ZNF514: variants seen among roughly 807,000 people sequenced by gnomAD.
ZNF514 encodes the protein zinc finger protein 514.
Under a neutral mutation model 9.7 loss-of-function variants are expected in ZNF514, and 12 were observed. The observed-to-expected ratio is 1.24, with a 90% CI of 0.79 to 2.01. The LOEUF (loss-of-function observed/expected upper bound fraction) is 2.01. ZNF514 is among the 30% of genes most tolerant of loss of function. The probability of loss-of-function intolerance (pLI) is 0.00; values close to 1 mark genes in which losing one functional copy is unlikely to be tolerated. For missense variants in ZNF514, 467 were observed against 465.5 expected (o/e 1.00, Z -0.03); for synonymous variants, 158 against 163.7 (o/e 0.97, Z 0.27).
At chr2:95,136,302 G>A in the ZNF514 span, among the ~76,000 whole-genome samples, 1 of 151,772 alleles carries the variant, frequency 6.6e-6, no homozygotes, top group East Asian at 1.9e-4. Context: ...TGTTGCCCAA[G>A]CTAAAGTGCA....
the ZNF514 span, among the ~76,000 whole-genome samples, chr2:95,135,894 AC>A: frequency 6.6e-6 from 1 of 151,338 alleles, no homozygotes; most frequent in East Asian, 2.0e-4. Flanking sequence ...ACATGGTGAA[AC>A]CCCCTCTCTA....
the ZNF514 span, among the ~76,000 whole-genome samples, chr2:95,126,836 T>C: frequency 6.6e-6 from 1 of 152,152 alleles, no homozygotes; most frequent in South Asian, 2.1e-4. Flanking sequence ...ACTGGCACTA[T>C]CATAACTCAA....
chr2:95,144,086 C>T (rs961123974), downstream of ZNF514, among the ~76,000 whole-genome samples: 4 of 152,144 alleles, frequency 2.6e-5, no homozygotes, highest in Admixed American at 6.5e-5. Flanking sequence ...GTCAGGGCAG[C>T]GGTCCCAACT....
intron 4 of ZNF514, among the ~76,000 whole-genome samples, 172 bp downstream of exon 4, chr2:95,152,502 A>G (rs1395261222): frequency 6.6e-6 from 1 of 152,216 alleles, no homozygotes; most frequent in African/African-American, 2.4e-5. Flanking sequence ...AAGCAAAGGA[A>G]CATCTCCTCT....
downstream of ZNF514, among the ~76,000 whole-genome samples, chr2:95,140,618 A>AATAT (rs373216299): frequency 1.3e-5 from 2 of 149,874 alleles, no homozygotes; most frequent in African/African-American, 4.9e-5. Flanking sequence ...ATCTTGAAAA[A>AATAT]ATATATATAT....
the ZNF514 span, among the ~76,000 whole-genome samples, chr2:95,123,471 G>A: frequency 7.9e-5 from 12 of 152,284 alleles, no homozygotes; most frequent in Admixed American, 5.2e-4. Flanking sequence ...CTTCACCGCC[G>A]TCCTTCAGAA....
At position 95,149,895 on chromosome 2, in the gene ZNF514, G is replaced by T; in HGVS notation, c.590C>A (p.Thr197Asn). 1 of 1,614,220 alleles carries T rather than the reference G, an allele frequency of 6.2e-7. No individual in the cohort carries two copies. The highest frequency in any genetic ancestry group is 8.5e-7 in the Non-Finnish European group (1 of 1,180,038). ...QTLGGNNSQR[T>N]HPEKKSCKCN... ...TTTACAAGATTTCTTTTCTGGGTGG[G>T]TTCTCTGAGAGTTGTTTCCCCCTAA... Residue 197 changes from threonine (T) to asparagine (N), a missense_variant, in exon 5 of 5, where the codon ACC becomes AAC. Transcript: ENST00000295208.
the ZNF514 span, among the ~76,000 whole-genome samples, chr2:95,129,047 G>T: frequency 6.6e-6 from 1 of 152,154 alleles, no homozygotes; most frequent in African/African-American, 2.4e-5. Flanking sequence ...GGCCACTCTG[G>T]GCCTACACTT....
At chr2:95,133,749 T>C in the ZNF514 span, among the ~76,000 whole-genome samples, 1 of 152,232 alleles carries the variant, frequency 6.6e-6, no homozygotes, top group East Asian at 1.9e-4. Context: ...CAGGAGGATG[T>C]GCATGGGTTA....
chr2:95,129,899 G>A, the ZNF514 span, among the ~76,000 whole-genome samples: 1 of 152,122 alleles, frequency 6.6e-6, no homozygotes, highest in African/African-American at 2.4e-5. Flanking sequence ...TAGGAGTCTG[G>A]TAACACCACT....
chr2:95,158,406 T>C (rs942087424), intron 1 of ZNF514, among the ~76,000 whole-genome samples: 21 of 152,314 alleles, frequency 1.4e-4, no homozygotes, highest in Non-Finnish European at 2.1e-4. Flanking sequence ...TGGTTAGAGA[T>C]AGGACGTTCT....
intron 2 of ZNF514, chr2:95,154,938 G>GAAAGC (rs1268314351): frequency 3.9e-5 from 6 of 152,078 alleles, no homozygotes; most frequent in Non-Finnish European, 7.4e-5. Context: ...CCCAATAAAG[G>GAAAGC]CTTTCAGTGG....
At chr2:95,135,415 T>C in the ZNF514 span, among the ~76,000 whole-genome samples, 216 of 151,280 alleles carry the variant, frequency 1.4e-3, no homozygotes, top group Non-Finnish European at 2.4e-3. Context: ...CCTTCGTTCT[T>C]TCTTTTTTTT....
At chr2:95,126,406 A>AAGAG in the ZNF514 span, among the ~76,000 whole-genome samples, 1 of 150,552 alleles carries the variant, frequency 6.6e-6, no homozygotes. Context: ...GAAAGAAAGA[A>AAGAG]AGAAAGGAAG....
chr2:95,158,420 C>T (rs1673745470), intron 1 of ZNF514, among the ~76,000 whole-genome samples: 1 of 152,210 alleles, frequency 6.6e-6, no homozygotes, highest in Non-Finnish European at 1.5e-5. Flanking sequence ...ACGTTCTAAA[C>T]TTAGGACTGG....
downstream of ZNF514, among the ~76,000 whole-genome samples, chr2:95,141,225 A>G (rs1673200970): frequency 6.6e-6 from 1 of 152,200 alleles, no homozygotes; most frequent in Admixed American, 6.5e-5. Flanking sequence ...AGGCTAATAC[A>G]GGAACCACAT....
chr2:95,144,750 T>C (rs756625361), downstream of ZNF514, among the ~76,000 whole-genome samples: 1 of 152,190 alleles, frequency 6.6e-6, no homozygotes, highest in Non-Finnish European at 1.5e-5. Context: ...TGATTATAAG[T>C]AAAGGTAGCC....
intron 1 of ZNF514, among the ~76,000 whole-genome samples, chr2:95,157,885 C>T (rs1233772443): frequency 6.6e-6 from 1 of 152,208 alleles, no homozygotes; most frequent in Non-Finnish European, 1.5e-5. Flanking sequence ...CACCTCTCCC[C>T]TCATCCTTGG....
intron 3 of ZNF514, 81 bp downstream of exon 3, chr2:95,153,052 C>T (rs1265221827): frequency 2.0e-6 from 3 of 1,535,968 alleles, no homozygotes; most frequent in Non-Finnish European, 2.6e-6. Context: ...ACTTAGCCAA[C>T]CAGCCCAGAC....
Sources: gnomAD v4.1 joint callset for allele counts (sites outside exome capture counted in the v4.1 genomes callset) on GRCh38, gnomAD v4.1.1 for gene constraint, MANE v1.5 for transcripts, NCBI Gene and HGNC (gene_info 2026-07-23, HGNC 2026-07-21) for gene names.